Variants in TMEM41B observed in about 807,000 individuals in gnomAD.
The protein encoded by TMEM41B is transmembrane protein 41B.
A neutral mutation model predicts 31.9 loss-of-function variants in TMEM41B; 18 were observed. The ratio of observed to expected loss-of-function variants is 0.56; its 90% CI spans 0.39 to 0.84. TMEM41B has a LOEUF of 0.84. Ranked by LOEUF, TMEM41B falls within the 40% of genes least tolerant of loss-of-function variation. The probability of loss-of-function intolerance (pLI) is 0.00; values close to 1 mark genes in which losing one functional copy is unlikely to be tolerated. For synonymous variants in TMEM41B, 144 were observed against 124.3 expected (o/e 1.16, Z -1.05); for missense variants, 322 against 348.0 (o/e 0.93, Z 0.59).
intron 1 of TMEM41B, among the ~76,000 whole-genome samples, chr11:9,310,044 A>ATTT (rs1216955051): frequency 8.7e-5 from 13 of 149,090 alleles, no homozygotes; most frequent in African/African-American, 2.7e-4. Flanking sequence ...TATTATTATT[A>ATTT]TTTTTTTTTG....
At chr11:9,308,016 G>A (rs995967615) in intron 1 of TMEM41B, among the ~76,000 whole-genome samples, 10 of 151,984 alleles carry the variant, frequency 6.6e-5, no homozygotes, top group South Asian at 2.1e-4. Flanking sequence ...GATTACAGGC[G>A]TGAGCCACCG....
intron 2 of TMEM41B, among the ~76,000 whole-genome samples, 159 bp downstream of exon 2, chr11:9,299,425 G>T (rs1006355760): frequency 6.7e-6 from 1 of 150,112 alleles, no homozygotes; most frequent in African/African-American, 2.5e-5. Context: ...GTTTTGCCGT[G>T]TTGCCCAGGC....
In TMEM41B at chr11:9,295,270, A is replaced by C; in HGVS notation, c.357T>G (p.Ala119=). The change falls in exon 3 of 7, where the codon GCT becomes GCG. Residue 119 remains alanine, a synonymous_variant. Coordinates refer to ENST00000528080, the MANE Select transcript of TMEM41B (RefSeq NM_015012.4). The stretch of plus-strand genomic sequence containing the variant: ...AGTTAAAAGGATACAAAATATATGT[A>C]GCAAAATAAGCTACAAGTACTTGAA... ...FYVQVLVAYF[A]TYIFLQTFAI... 1 of 1,562,598 alleles carries C rather than the reference A, an allele frequency of 6.4e-7. No individual in the cohort carries two copies. Among genetic ancestry groups the C allele is most frequent in the Non-Finnish European group, 8.7e-7 (1 of 1,149,190 alleles).
At chr11:9,296,603 C>CAAAAAAAAAAAAAAAA (rs1164835040) in intron 2 of TMEM41B, among the ~76,000 whole-genome samples, 5 of 118,876 alleles carry the variant, frequency 4.2e-5, no homozygotes, top group African/African-American at 1.1e-4. Context: ...GACTCCGTCT[C>CAAAAAAAAAAAAAAAA]AAAAAAAAAA....
In TMEM41B at chr11:9,282,413, TAC is replaced by T. The variant is rs1852737952; in HGVS notation, c.*1009_*1010del. 2 of 151,918 alleles carry T rather than the reference TAC, an allele frequency of 1.3e-5. No homozygotes were observed. Among genetic ancestry groups the T allele is most frequent in the Non-Finnish European group, 2.9e-5 (2 of 67,964 alleles). 9.4% of individuals were successfully genotyped at this position (151,918 alleles called of 1,614,324 possible). A position where few individuals can be genotyped will look rare whatever the true frequency, so the allele number is the denominator to read the frequency against. On this transcript the variant is annotated 3_prime_UTR_variant, in exon 7 of 7. Coordinates refer to ENST00000528080, the MANE Select transcript of TMEM41B (RefSeq NM_015012.4). ...AAAAAATTATCAATACCAAATATGATACAGTTATGTAATACCCATTTTGCATA... is the reference window on the plus strand; with the variant it reads ...AAAAAATTATCAATACCAAATATGATAGTTATGTAATACCCATTTTGCATA...
In TMEM41B at chr11:9,295,337, G is replaced by A. The variant is rs781156541; in HGVS notation, c.290C>T (p.Ala97Val). 6.2e-7 allele frequency: 1 copy of A among 1,600,366 alleles called. No homozygotes were observed. The highest frequency in any genetic ancestry group is 8.5e-7 in the Non-Finnish European group (1 of 1,172,224). Residue 97 changes from alanine to valine, a missense_variant, in exon 3 of 7, where the codon GCT becomes GTT. Physicochemically the swap from Ala to Val is moderately conservative, Grantham distance 64 (BLOSUM62 0). Coordinates refer to ENST00000528080, the MANE Select transcript of TMEM41B (RefSeq NM_015012.4). ...GTATTTGGATAAAACTTTTCCTAGA[G>A]CCTTGGCATCATCCATATCTCTGGG... ...KVPRDMDDAK[A>V]LGKVLSKYKD...
chr11:9,295,179 G>A (rs2133623285), intron 3 of TMEM41B, 80 bp downstream of exon 3: 1 of 1,293,346 alleles, frequency 7.7e-7, no homozygotes, highest in Non-Finnish European at 1.0e-6. Flanking sequence ...AAGGAAAATA[G>A]TTATGTATAA....
intron 6 of TMEM41B, among the ~76,000 whole-genome samples, chr11:9,285,171 G>A (rs1377980107): frequency 7.0e-6 from 1 of 143,832 alleles, no homozygotes; most frequent in African/African-American, 2.6e-5. Flanking sequence ...TGCAACCTCT[G>A]CCTCCTGGGT....
At chr11:9,289,561 A>C (rs540630476) in intron 3 of TMEM41B, among the ~76,000 whole-genome samples, 3 of 152,120 alleles carry the variant, frequency 2.0e-5, no homozygotes, top group South Asian at 4.2e-4. Context: ...TGCCTCCTCT[A>C]CAAAACTACT....
At chr11:9,287,070 T>C (rs7927382) in intron 5 of TMEM41B, among the ~76,000 whole-genome samples, 144,175 of 152,002 alleles carry the variant, frequency 0.95, 68,805 homozygotes, top group East Asian at 1. Context: ...CTTTGGGAGG[T>C]TGAGGCAGGT....
At chr11:9,290,283 A>T (rs1292124933) in intron 3 of TMEM41B, among the ~76,000 whole-genome samples, 1 of 152,102 alleles carries the variant, frequency 6.6e-6, no homozygotes, top group African/African-American at 2.4e-5. Context: ...AAGCCAAGGC[A>T]GGGGAATCGC....
chr11:9,285,355 T>G (rs1037784637), intron 6 of TMEM41B, among the ~76,000 whole-genome samples: 1 of 152,178 alleles, frequency 6.6e-6, no homozygotes. Flanking sequence ...AGTGCTGGGA[T>G]TATAGGCGTG....
chr11:9,292,929 T>G (rs1852991317), intron 3 of TMEM41B, among the ~76,000 whole-genome samples: 2 of 152,174 alleles, frequency 1.3e-5, no homozygotes, highest in Non-Finnish European at 2.9e-5. Context: ...CTTGTTATTT[T>G]CATGATAGCC....
At chr11:9,309,890 T>C (rs1172003426) in intron 1 of TMEM41B, among the ~76,000 whole-genome samples, 2 of 145,742 alleles carry the variant, frequency 1.4e-5, no homozygotes, top group African/African-American at 5.1e-5. Context: ...ACCACTGCAC[T>C]CCAGCCTGGG....
intron 3 of TMEM41B, among the ~76,000 whole-genome samples, chr11:9,291,262 A>G (rs1046997841): frequency 9.9e-5 from 15 of 152,032 alleles, no homozygotes; most frequent in Non-Finnish European, 1.5e-4. Flanking sequence ...GGTGCCTGTA[A>G]TCTCAGCTAC....
intron 1 of TMEM41B, among the ~76,000 whole-genome samples, chr11:9,308,773 T>A (rs1043107336): frequency 1.8e-4 from 27 of 152,120 alleles, no homozygotes; most frequent in Non-Finnish European, 1.9e-4. Flanking sequence ...CTGACAATAA[T>A]GATAGGTTCA....
intron 4 of TMEM41B, chr11:9,288,101 C>A: frequency 2.6e-6 from 1 of 385,316 alleles, no homozygotes; most frequent in Non-Finnish European, 4.5e-6. Context: ...CACCTCCCCC[C>A]GACCCTACCC....
intron 1 of TMEM41B, among the ~76,000 whole-genome samples, chr11:9,304,260 T>A (rs1373465155): frequency 6.6e-6 from 1 of 152,158 alleles, no homozygotes; most frequent in African/African-American, 2.4e-5. Flanking sequence ...AATCTTGTAA[T>A]AACAAATACC....
intron 6 of TMEM41B, among the ~76,000 whole-genome samples, chr11:9,286,025 G>A (rs1479639870): frequency 1.3e-5 from 2 of 152,194 alleles, no homozygotes; most frequent in African/African-American, 4.8e-5. Flanking sequence ...TGAGGCAGGA[G>A]AATCGCTTGA....
Sources: allele counts gnomAD v4.1 joint callset (sites outside exome capture counted in the v4.1 genomes callset), GRCh38; gene constraint gnomAD v4.1.1; transcripts MANE v1.5; gene names NCBI Gene and HGNC (gene_info 2026-07-23, HGNC 2026-07-21).